RNLS: variants seen among roughly 807,000 people sequenced by gnomAD.
RNLS encodes the protein renalase, FAD dependent amine oxidase.
Under a neutral mutation model 39.8 loss-of-function variants are expected in RNLS, and 39 were observed. The observed-to-expected ratio is 0.98, with a 90% CI of 0.76 to 1.28. The LOEUF (loss-of-function observed/expected upper bound fraction) is 1.28. Among genes scored for constraint, RNLS ranks in the 50% most tolerant of loss-of-function variants. RNLS has a pLI of 0.00. For synonymous variants in RNLS, 147 were observed against 150.7 expected (o/e 0.98, Z 0.18); for missense variants, 410 against 413.3 (o/e 0.99, Z 0.07).
At chr10:88,565,969 G>A (rs1325709492) in intron 4 of RNLS, among the ~76,000 whole-genome samples, 1 of 151,556 alleles carries the variant, frequency 6.6e-6, no homozygotes, top group Non-Finnish European at 1.5e-5. Flanking sequence ...GGATGGTCTC[G>A]ATCTCTTGAC....
At chr10:88,469,822 C>CGT (rs199651876) in intron 4 of RNLS, among the ~76,000 whole-genome samples, 15,494 of 138,032 alleles carry the variant, frequency 0.11, 970 homozygotes, top group South Asian at 0.2. Context: ...TATGTGTGTG[C>CGT]GTGTGTGTGT....
At chr10:88,304,118 G>A (rs1589502591) in intron 6 of RNLS, among the ~76,000 whole-genome samples, 1 of 152,296 alleles carries the variant, frequency 6.6e-6, no homozygotes. Context: ...CAGAAATGAA[G>A]CCAGTTGGTT....
At chr10:88,299,554 G>C (rs1360463691) in intron 6 of RNLS, among the ~76,000 whole-genome samples, 6 of 152,206 alleles carry the variant, frequency 3.9e-5, no homozygotes, top group Non-Finnish European at 8.8e-5. Context: ...GACCCCGTGA[G>C]GTGGAGGTTG....
In RNLS at chr10:88,477,331, A is replaced by T. The variant is rs1843875160; in HGVS notation, c.526+95572T>A. On this transcript the variant is annotated intron_variant, in intron 4 of 6. Transcript: ENST00000331772. ...TGATGGTATGAGCAAGATGATAAGG[A>T]TGATGGTGAAGTTAGGGATGAAGGT... Among the ~76,000 whole-genome samples, 2 of 152,146 alleles carry T rather than the reference A, an allele frequency of 1.3e-5. 1 individual carries two copies. Among genetic ancestry groups the T allele is most frequent in the South Asian group, 4.1e-4 (2 of 4,830 alleles).
intron 4 of RNLS, among the ~76,000 whole-genome samples, chr10:88,544,123 G>A (rs950942955): frequency 1.4e-4 from 21 of 152,152 alleles, no homozygotes; most frequent in African/African-American, 4.8e-4. Flanking sequence ...GTGAGGACTA[G>A]TACAAGAATT....
the RNLS span, among the ~76,000 whole-genome samples, chr10:88,235,130 T>A: frequency 6.7e-6 from 1 of 150,152 alleles, no homozygotes; most frequent in Admixed American, 6.6e-5. Context: ...GGCGTCGGGG[T>A]GGTGGCGGGT....
intron 4 of RNLS, among the ~76,000 whole-genome samples, chr10:88,461,949 T>C (rs754909287): frequency 1.3e-5 from 2 of 152,144 alleles, no homozygotes; most frequent in Non-Finnish European, 2.9e-5. Context: ...TTTGAAATGC[T>C]TTCTATCTAA....
At position 88,414,719 on chromosome 10, in the gene RNLS, C is replaced by T. The variant is rs182781858; in HGVS notation, c.527-51994G>A. On this transcript the variant is annotated intron_variant, in intron 4 of 6. Transcript: ENST00000331772. Reference sequence around the variant, plus strand: ...GTATTGTTAGTATTGAGAAAATTTTCTTGCTCCAGAAATGGTCCGTTCTAT... The same window carrying T: ...GTATTGTTAGTATTGAGAAAATTTTTTTGCTCCAGAAATGGTCCGTTCTAT... Among the ~76,000 whole-genome samples, 467 of 152,252 alleles carry T rather than the reference C, an allele frequency of 3.1e-3. 1 individual carries two copies. Among genetic ancestry groups the T allele is most frequent in the Non-Finnish European group, 5.0e-3 (342 of 67,986 alleles).
chr10:88,415,843 A>C (rs2133728514), intron 4 of RNLS, among the ~76,000 whole-genome samples: 1 of 152,322 alleles, frequency 6.6e-6, no homozygotes, highest in East Asian at 1.9e-4. Context: ...GGTTAACCTG[A>C]AAGTTAAGAT....
chr10:88,572,821 G>T, intron 4 of RNLS, 82 bp downstream of exon 4: 17 of 1,412,290 alleles, frequency 1.2e-5, no homozygotes, highest in Non-Finnish European at 1.7e-5. Context: ...CTTGTCCTTT[G>T]CGAAGAGAGT....
rs538866170 is a variant in RNLS, at chr10:88,455,508, G to A, written c.527-92783C>T. Among the ~76,000 whole-genome samples the A allele has an allele frequency of 3.3e-5, 5 of 152,162 alleles. No individual in the cohort carries two copies. The South Asian group carries it at 6.2e-4, about 19-fold the overall frequency. Reference sequence around the variant, plus strand: ...TGCAAGCTCCACCTCCCGGGTTCACGCCATTCTCCTGCCTCAGCCTCCCGA... The same window carrying A: ...TGCAAGCTCCACCTCCCGGGTTCACACCATTCTCCTGCCTCAGCCTCCCGA... On this transcript the variant is annotated intron_variant, in intron 4 of 6. Transcript: ENST00000331772.
chr10:88,493,794 T>C (rs1845014153), intron 4 of RNLS, among the ~76,000 whole-genome samples: 1 of 152,144 alleles, frequency 6.6e-6, no homozygotes, highest in African/African-American at 2.4e-5. Flanking sequence ...TTTCCTTTTA[T>C]ATGATGGGGG....
At chr10:88,326,184 T>G (rs1443444181) in intron 5 of RNLS, among the ~76,000 whole-genome samples, 1 of 152,064 alleles carries the variant, frequency 6.6e-6, no homozygotes, top group Non-Finnish European at 1.5e-5. Flanking sequence ...CCTGAAAATG[T>G]GGAAGAGAAT....
intron 4 of RNLS, among the ~76,000 whole-genome samples, chr10:88,364,742 T>C (rs1283890344): frequency 6.6e-6 from 1 of 152,138 alleles, no homozygotes; most frequent in Non-Finnish European, 1.5e-5. Flanking sequence ...ACGAATGATC[T>C]GACATTGGCC....
chr10:88,470,343 TA>T (rs1564825467), intron 4 of RNLS, among the ~76,000 whole-genome samples: 3 of 152,078 alleles, frequency 2.0e-5, no homozygotes, highest in South Asian at 2.1e-4. Flanking sequence ...TTCGCAATAG[TA>T]AAGACATGGA....
At chr10:88,418,245 T>A (rs1450501484) in intron 4 of RNLS, among the ~76,000 whole-genome samples, 2 of 152,144 alleles carry the variant, frequency 1.3e-5, no homozygotes, top group East Asian at 3.8e-4. Context: ...AAATTAGTTA[T>A]CCTGGTAAGT....
At chr10:88,216,492 C>T in the RNLS span, among the ~76,000 whole-genome samples, 1 of 152,180 alleles carries the variant, frequency 6.6e-6, no homozygotes, top group Non-Finnish European at 1.5e-5. Context: ...TATAATCTAT[C>T]AGCTTTCAAA....
intron 4 of RNLS, among the ~76,000 whole-genome samples, chr10:88,454,132 A>G (rs919763573): frequency 6.6e-6 from 1 of 152,188 alleles, no homozygotes; most frequent in African/African-American, 2.4e-5. Context: ...CTGAAAAGAG[A>G]AGAAAGAGTC....
At chr10:88,254,759 C>A in the RNLS span, among the ~76,000 whole-genome samples, 1 of 152,184 alleles carries the variant, frequency 6.6e-6, no homozygotes, top group Non-Finnish European at 1.5e-5. Flanking sequence ...GATCCAGTAA[C>A]CTTCTCAAGA....
Sources: gnomAD v4.1 joint callset for allele counts (sites outside exome capture counted in the v4.1 genomes callset) on GRCh38, gnomAD v4.1.1 for gene constraint, MANE v1.5 for transcripts, NCBI Gene and HGNC (gene_info 2026-07-23, HGNC 2026-07-21) for gene names.